Variants in CNTN4 observed in about 807,000 individuals in gnomAD.
The protein encoded by CNTN4 is contactin-4.
CNTN4 carries 77 observed loss-of-function variants against 122.5 expected under a neutral mutation model. The ratio of observed to expected loss-of-function variants is 0.63; its 90% CI spans 0.52 to 0.76. The LOEUF (loss-of-function observed/expected upper bound fraction) is 0.76, where lower values mean the gene tolerates loss of function less well. Among genes scored for constraint, CNTN4 ranks in the 30% least tolerant of loss-of-function variants. The pLI, the probability that CNTN4 is intolerant of heterozygous loss-of-function variation, is 0.00. For synonymous variants in CNTN4, 512 were observed against 447.0 expected (o/e 1.15, Z -1.83); for missense variants, 1,256 against 1,259.1 (o/e 1.00, Z 0.04).
rs549368567 is a variant in CNTN4, at chr3:2,918,029, C to T, written c.1208-7600C>T. ...AAAGTCATTTGTACTTAGTGTAAGG[C>T]GTGTTGCTTTTGGTAAAGTCTTTTG... On this transcript the variant is annotated intron_variant, in intron 12 of 24. Transcript: ENST00000418658. Among the ~76,000 whole-genome samples the T allele has an allele frequency of 1.1e-4, 16 of 152,204 alleles. No homozygotes were observed. The South Asian group carries it at 2.9e-3, about 28-fold the overall frequency.
rs113469322 is a variant in CNTN4, at chr3:2,226,106, A to G, written c.-144-113072A>G. Reference sequence around the variant, plus strand: ...GGTAAAAGCATTGTGTAGATATAAGACATCAAAATACGGCACCCACGTTTT... The same window carrying G: ...GGTAAAAGCATTGTGTAGATATAAGGCATCAAAATACGGCACCCACGTTTT... On this transcript the variant is annotated intron_variant, in intron 2 of 24. Coordinates refer to ENST00000418658, the MANE Select transcript of CNTN4 (RefSeq NM_175607.3). 1.1e-3 allele frequency among the ~76,000 whole-genome samples: 172 copies of G among 151,766 alleles called. 1 individual carries two copies. Among genetic ancestry groups the G allele is most frequent in the African/African-American group, 4.0e-3 (166 of 41,382 alleles).
At chr3:2,102,174 C>A (rs532886965) in intron 2 of CNTN4, among the ~76,000 whole-genome samples, 1 of 152,102 alleles carries the variant, frequency 6.6e-6, no homozygotes. Flanking sequence ...AGTGAAGAAT[C>A]CAAGGAGTAA....
chr3:2,350,887 T>G (rs1411036109), intron 3 of CNTN4, among the ~76,000 whole-genome samples: 1 of 152,190 alleles, frequency 6.6e-6, no homozygotes, highest in Non-Finnish European at 1.5e-5. Flanking sequence ...ACTTTCATGT[T>G]TGAAGCCATT....
intron 6 of CNTN4, among the ~76,000 whole-genome samples, chr3:2,809,581 T>C (rs187580387): frequency 5.3e-4 from 80 of 152,300 alleles, no homozygotes; most frequent in Middle Eastern, 3.4e-3. Context: ...TTTCTCTTTG[T>C]GTTGTGTAAG....
intron 2 of CNTN4, among the ~76,000 whole-genome samples, chr3:2,310,052 G>A (rs982463018): frequency 6.6e-6 from 1 of 152,104 alleles, no homozygotes; most frequent in Non-Finnish European, 1.5e-5. Context: ...GGTGGAATAT[G>A]TTCAAATTTT....
intron 12 of CNTN4, among the ~76,000 whole-genome samples, chr3:2,907,406 C>G (rs754519413): frequency 1.8e-4 from 27 of 152,070 alleles, no homozygotes; most frequent in Admixed American, 1.0e-3. Context: ...AACCCCATCT[C>G]TACTAAAAAT....
intron 3 of CNTN4, among the ~76,000 whole-genome samples, chr3:2,453,566 T>C (rs1575665236): frequency 6.6e-6 from 1 of 152,156 alleles, no homozygotes. Flanking sequence ...CAATGCCGTG[T>C]TCATGATCAT....
chr3:2,369,843 C>G (rs1319585071), intron 3 of CNTN4, among the ~76,000 whole-genome samples: 1 of 152,052 alleles, frequency 6.6e-6, no homozygotes, highest in African/African-American at 2.4e-5. Context: ...TTCTTTTATC[C>G]ACCCTGATAG....
intron 2 of CNTN4, among the ~76,000 whole-genome samples, chr3:2,206,748 T>G (rs2038363101): frequency 6.6e-6 from 1 of 152,150 alleles, no homozygotes; most frequent in Non-Finnish European, 1.5e-5. Context: ...ATGCATTATT[T>G]ATGGATACTG....
chr3:2,481,033 T>TTTTTTCTTTC, intron 3 of CNTN4, among the ~76,000 whole-genome samples: 1 of 120,078 alleles, frequency 8.3e-6, no homozygotes, highest in East Asian at 2.2e-4. Context: ...TTTCTTTTTC[T>TTTTTTCTTTC]TTTCTTTCTT....
chr3:2,452,516 A>G (rs1298244878), intron 3 of CNTN4, among the ~76,000 whole-genome samples: 3 of 152,154 alleles, frequency 2.0e-5, no homozygotes, highest in Non-Finnish European at 4.4e-5. Flanking sequence ...CTCATCTATA[A>G]TTACAGTGCT....
chr3:2,383,806 C>T (rs557643261), intron 3 of CNTN4, among the ~76,000 whole-genome samples: 2 of 150,748 alleles, frequency 1.3e-5, no homozygotes, highest in African/African-American at 2.4e-5. Context: ...TCTCTTCTCC[C>T]TCTGTCTCCC....
chr3:2,937,194 C>T (rs1022198850), intron 13 of CNTN4, among the ~76,000 whole-genome samples: 5 of 152,178 alleles, frequency 3.3e-5, no homozygotes, highest in African/African-American at 9.7e-5. Context: ...TAAATTGTCA[C>T]TTCCAGCATG....
At chr3:2,632,085 C>CACGT (rs1553597783) in intron 4 of CNTN4, among the ~76,000 whole-genome samples, 10 of 150,246 alleles carry the variant, frequency 6.7e-5, no homozygotes, top group East Asian at 2.0e-4. Context: ...CACACACACA[C>CACGT]GTGTGTGTAT....
At chr3:2,897,763 A>G (rs922061993) in intron 10 of CNTN4, among the ~76,000 whole-genome samples, 1 of 152,124 alleles carries the variant, frequency 6.6e-6, no homozygotes, top group Non-Finnish European at 1.5e-5. Context: ...CAAGTGTGAA[A>G]TTTTCCACTT....
At chr3:2,339,510 A>G (rs374442844) in intron 3 of CNTN4, among the ~76,000 whole-genome samples, 1 of 152,180 alleles carries the variant, frequency 6.6e-6, no homozygotes, top group Non-Finnish European at 1.5e-5. Context: ...AAATTTTAGA[A>G]TTTGTAATCA....
intron 2 of CNTN4, among the ~76,000 whole-genome samples, chr3:2,315,787 C>G (rs1346001577): frequency 1.3e-5 from 2 of 151,880 alleles, no homozygotes; most frequent in Non-Finnish European, 2.9e-5. Flanking sequence ...GAGCTATTAA[C>G]TAGAAATTAT....
At chr3:2,866,062 G>A (rs4343610) in intron 7 of CNTN4, among the ~76,000 whole-genome samples, 108,556 of 151,958 alleles carry the variant, frequency 0.71, 38,831 homozygotes, top group East Asian at 0.79. Flanking sequence ...TTGCCACAGT[G>A]TTAAACTGCT....
At chr3:2,787,646 C>T (rs751589918) in intron 6 of CNTN4, among the ~76,000 whole-genome samples, 5 of 152,156 alleles carry the variant, frequency 3.3e-5, no homozygotes, top group South Asian at 2.1e-4. Flanking sequence ...GCTATTTAAC[C>T]ACAGTCACGT....
Sources: allele counts gnomAD v4.1 joint callset (sites outside exome capture counted in the v4.1 genomes callset), GRCh38; gene constraint gnomAD v4.1.1; transcripts MANE v1.5; gene names NCBI Gene and HGNC (gene_info 2026-07-23, HGNC 2026-07-21).